Variants in TUNAR observed in about 807,000 individuals in gnomAD.
TUNAR encodes transmembrane neural differentiation associated intracellular calcium regulator.
At chr14:95,888,410 C>T (rs75720128) in intron 2 of TUNAR, among the ~76,000 whole-genome samples, 4,406 of 152,236 alleles carry the variant, frequency 0.029, 207 homozygotes, top group African/African-American at 0.099. Context: ...TGGTTTTGAA[C>T]ATGAATAATC....
At chr14:95,893,577 C>A (rs1230330018) in intron 2 of TUNAR, among the ~76,000 whole-genome samples, 1 of 151,998 alleles carries the variant, frequency 6.6e-6, no homozygotes, top group East Asian at 1.9e-4. Flanking sequence ...TCCCCCCCAC[C>A]CCACTCCCCA....
chr14:95,888,381 A>G (rs925776817), intron 2 of TUNAR, among the ~76,000 whole-genome samples: 1 of 152,222 alleles, frequency 6.6e-6, no homozygotes, highest in Non-Finnish European at 1.5e-5. Context: ...ATTGGTGCAT[A>G]CAAAAACACC....
intron 2 of TUNAR, among the ~76,000 whole-genome samples, chr14:95,883,301 G>A (rs1273124603): frequency 1.3e-5 from 2 of 152,330 alleles, no homozygotes; most frequent in East Asian, 3.9e-4. Flanking sequence ...CATCCCTGTG[G>A]CGGTTGAGAG....
intron 2 of TUNAR, among the ~76,000 whole-genome samples, chr14:95,880,653 A>G (rs971630289): frequency 6.6e-6 from 1 of 152,204 alleles, no homozygotes; most frequent in Non-Finnish European, 1.5e-5. Flanking sequence ...TAATTTGAAA[A>G]TGGAGAGTAC....
At chr14:95,912,612 T>C (rs1889531903) in intron 2 of TUNAR, among the ~76,000 whole-genome samples, 1 of 152,164 alleles carries the variant, frequency 6.6e-6, no homozygotes, top group African/African-American at 2.4e-5. Context: ...CTTTTCTAGA[T>C]CTAACACTAG....
chr14:95,910,910 T>C (rs55954723), intron 2 of TUNAR, among the ~76,000 whole-genome samples: 33,752 of 152,230 alleles, frequency 0.22, 5,087 homozygotes, highest in African/African-American at 0.43. Context: ...CCACCCTGTC[T>C]AGACATTTAG....
chr14:95,903,091 G>A lies in TUNAR; in HGVS notation c.13-19690G>A, dbSNP rs78835038. Among the ~76,000 whole-genome samples, 782 of 152,226 alleles carry A rather than the reference G, an allele frequency of 5.1e-3. 5 individuals are homozygous for A. The highest frequency in any genetic ancestry group is 0.018 in the African/African-American group (751 of 41,542). On this transcript the variant is annotated intron_variant, in intron 2 of 2. Transcript: ENST00000678517. ...TCCATTTTGTAGACAGGAAAGCTGA[G>A]GCTCAGAAACAATAGAGTGGGGCCA...
intron 2 of TUNAR, among the ~76,000 whole-genome samples, chr14:95,919,903 T>A (rs1406554194): frequency 7.9e-5 from 12 of 152,160 alleles, no homozygotes; most frequent in African/African-American, 2.7e-4. Context: ...GTTAAAAAAC[T>A]TAATATGAAA....
intron 2 of TUNAR, chr14:95,896,001 G>A (rs565496714): frequency 6.6e-5 from 10 of 152,298 alleles, no homozygotes; most frequent in South Asian, 2.1e-4. Flanking sequence ...AACACCTAGC[G>A]TGGTACCTGG....
chr14:95,897,733 G>C (rs1889288903), intron 2 of TUNAR, among the ~76,000 whole-genome samples: 1 of 152,222 alleles, frequency 6.6e-6, no homozygotes, highest in South Asian at 2.1e-4. Flanking sequence ...GAACAGACTT[G>C]AGTGGGTTCT....
At chr14:95,886,396 G>A (rs1464184762) in intron 2 of TUNAR, among the ~76,000 whole-genome samples, 1 of 152,216 alleles carries the variant, frequency 6.6e-6, no homozygotes, top group East Asian at 1.9e-4. Flanking sequence ...TCAGGGTCAC[G>A]GGTGGTTATA....
intron 2 of TUNAR, among the ~76,000 whole-genome samples, chr14:95,918,645 T>A (rs893776564): frequency 1.3e-5 from 2 of 152,012 alleles, no homozygotes; most frequent in African/African-American, 4.8e-5. Flanking sequence ...TGCTTCAGAG[T>A]CCTCGGAAAG....
chr14:95,925,390 A>G (rs1889771207), exon 3 of TUNAR: 1 of 152,154 alleles, frequency 6.6e-6, no homozygotes, highest in Admixed American at 6.5e-5. Context: ...AACCCTGGGA[A>G]CTCCCTGGAC....
chr14:95,877,043 G>A (rs1888896043), exon 2 of TUNAR: 1 of 152,258 alleles, frequency 6.6e-6, no homozygotes, highest in African/African-American at 2.4e-5. Flanking sequence ...GGGAGAATGA[G>A]GCAGGAGCCG....
intron 2 of TUNAR, among the ~76,000 whole-genome samples, chr14:95,911,470 C>T (rs551067679): frequency 6.6e-6 from 1 of 152,210 alleles, no homozygotes; most frequent in South Asian, 2.1e-4. Flanking sequence ...TTTGTACATG[C>T]CCGTTGTTAT....
intron 2 of TUNAR, among the ~76,000 whole-genome samples, chr14:95,911,680 C>T (rs1889517081): frequency 6.6e-6 from 1 of 152,192 alleles, no homozygotes; most frequent in African/African-American, 2.4e-5. Flanking sequence ...CGGAGAAACA[C>T]TCAGAATTAC....
chr14:95,881,881 A>G (rs1394798111), intron 2 of TUNAR, among the ~76,000 whole-genome samples: 1 of 152,226 alleles, frequency 6.6e-6, no homozygotes, highest in Non-Finnish European at 1.5e-5. Context: ...CATTCTGCTA[A>G]CGATACTCAG....
chr14:95,919,932 T>C (rs1301810964), intron 2 of TUNAR, among the ~76,000 whole-genome samples: 1 of 152,206 alleles, frequency 6.6e-6, no homozygotes, highest in Non-Finnish European at 1.5e-5. Context: ...AAGATGTATG[T>C]ATATGCTTGC....
intron 2 of TUNAR, among the ~76,000 whole-genome samples, chr14:95,883,075 GT>G (rs1889007651): frequency 6.6e-6 from 1 of 152,178 alleles, no homozygotes; most frequent in South Asian, 2.1e-4. Flanking sequence ...AGTACGTCCA[GT>G]TTTGCAGTGT....
Sources: allele counts gnomAD v4.1 joint callset (sites outside exome capture counted in the v4.1 genomes callset), GRCh38; gene constraint gnomAD v4.1.1; transcripts MANE v1.5; gene names NCBI Gene and HGNC (gene_info 2026-07-23, HGNC 2026-07-21).